The following MTMR6 variants were observed in gnomAD, a reference collection of about 807,000 sequenced individuals.
MTMR6 encodes the protein myotubularin related protein 6, also known as phosphatidylinositol-3,5-bisphosphate 3-phosphatase MTMR6.
A neutral mutation model predicts 80.1 loss-of-function variants in MTMR6; 47 were observed. The observed-to-expected ratio is 0.59, with a 90% CI of 0.46 to 0.75. The LOEUF (loss-of-function observed/expected upper bound fraction) is 0.75. MTMR6 is among the 30% of genes least tolerant of loss of function. The pLI, the probability that MTMR6 is intolerant of heterozygous loss-of-function variation, is 0.00. For synonymous variants in MTMR6, 254 were observed against 253.0 expected, an observed-to-expected ratio of 1.00 and a Z score of -0.04; for missense variants, 629 against 730.9, an observed-to-expected ratio of 0.86 and a Z score of 1.61.
intron 1 of MTMR6, among the ~76,000 whole-genome samples, chr13:25,278,014 C>A (rs1034378570): frequency 6.6e-6 from 1 of 152,120 alleles, no homozygotes; most frequent in Admixed American, 6.5e-5. Context: ...TATGAATCAC[C>A]TCTAAAACTT....
At chr13:25,282,288 C>T (rs908555303) in intron 1 of MTMR6, among the ~76,000 whole-genome samples, 1 of 152,328 alleles carries the variant, frequency 6.6e-6, no homozygotes, top group East Asian at 1.9e-4. Context: ...AAACCCCCTC[C>T]TCAACCCTCA....
chr13:25,274,497 G>A (rs1052152719), intron 1 of MTMR6, among the ~76,000 whole-genome samples: 4 of 143,696 alleles, frequency 2.8e-5, no homozygotes, highest in African/African-American at 9.8e-5. Context: ...TCATACCCAA[G>A]AGTCAACATT....
At chr13:25,249,573 C>A in intron 13 of MTMR6, 81 bp from the exon 14 acceptor site, 1 of 1,375,170 alleles carries the variant, frequency 7.3e-7, no homozygotes, top group Non-Finnish European at 9.9e-7. Context: ...CATGCTTTTG[C>A]AAAATATGTT....
chr13:25,265,696 C>A, intron 5 of MTMR6, 123 bp downstream of exon 5: 2 of 1,087,294 alleles, frequency 1.8e-6, no homozygotes, highest in Admixed American at 2.5e-5. Flanking sequence ...GGTGCCACTG[C>A]ACTCCAGCTT....
chr13:25,263,585 T>C (rs1213668879), intron 5 of MTMR6, among the ~76,000 whole-genome samples: 1 of 152,162 alleles, frequency 6.6e-6, no homozygotes, highest in Non-Finnish European at 1.5e-5. Context: ...AACCAACTTA[T>C]ACAACAGAAA....
chr13:25,266,949 G>A (rs1957470156), intron 3 of MTMR6, among the ~76,000 whole-genome samples: 2 of 152,156 alleles, frequency 1.3e-5, no homozygotes, highest in African/African-American at 4.8e-5. Context: ...CAGATCCACA[G>A]GGCATAAGTA....
At chr13:25,283,409 T>C (rs1451546342) in intron 1 of MTMR6, among the ~76,000 whole-genome samples, 1 of 152,236 alleles carries the variant, frequency 6.6e-6, no homozygotes, top group Non-Finnish European at 1.5e-5. Flanking sequence ...ATTCAGGTGC[T>C]CCTCAAAACC....
intron 6 of MTMR6, chr13:25,260,456 T>C: frequency 2.1e-6 from 1 of 478,792 alleles, no homozygotes; most frequent in South Asian, 2.3e-5. Flanking sequence ...ATTAATCTCT[T>C]CTTCTGGTTT....
At chr13:25,259,053 G>A (rs1412302397) in intron 6 of MTMR6, among the ~76,000 whole-genome samples, 1 of 152,124 alleles carries the variant, frequency 6.6e-6, no homozygotes, top group African/African-American at 2.4e-5. Flanking sequence ...GAGCTGGCTG[G>A]GGGACTTTCC....
chr13:25,249,345 T>G lies in MTMR6; in HGVS notation c.1753A>C (p.Ile585Leu), dbSNP rs749269264. 1 of 1,614,166 alleles carries G rather than the reference T, an allele frequency of 6.2e-7. No individual in the cohort carries two copies. The highest frequency in any genetic ancestry group is 8.5e-7 in the Non-Finnish European group (1 of 1,179,984). ...TTATCTGCCGGGCTGCTGCCCTCTA[T>G]AGTTCGAAGAGCATCATTTACGGGT... is the stretch of plus-strand genomic sequence containing the variant. ...LLPVNDALRT[I>L]EGSSPADNRY... Residue 585 changes from isoleucine (I) to leucine (L), a missense_variant, in exon 14 of 14, where the codon ATA becomes CTA. Ile to Leu is a conservative substitution (Grantham distance 5). Transcript: ENST00000381801.
chr13:25,258,854 A>C (rs987282538), intron 6 of MTMR6, among the ~76,000 whole-genome samples, 162 bp from the exon 7 acceptor site: 11 of 152,214 alleles, frequency 7.2e-5, no homozygotes, highest in Admixed American at 2.0e-4. Context: ...TAAAAATGCC[A>C]CATTATTAAA....
intron 10 of MTMR6, 143 bp downstream of exon 10, chr13:25,254,242 T>C: frequency 1.4e-6 from 1 of 712,112 alleles, no homozygotes; most frequent in Non-Finnish European, 2.4e-6. Flanking sequence ...AAAAATTAAA[T>C]GTCTTTACGT....
intron 5 of MTMR6, 61 bp from the exon 6 acceptor site, chr13:25,261,863 C>A: frequency 5.5e-6 from 8 of 1,457,278 alleles, no homozygotes; most frequent in South Asian, 1.4e-5. Flanking sequence ...TTTAAAGATG[C>A]TTACAAGAAA....
At chr13:25,278,709 C>CAAAAAA (rs57589187) in intron 1 of MTMR6, among the ~76,000 whole-genome samples, 1 of 55,468 alleles carries the variant, frequency 1.8e-5, no homozygotes, top group Non-Finnish European at 3.4e-5. Flanking sequence ...CAAGACTCTG[C>CAAAAAA]AAAAAAAAAA....
chr13:25,276,427 T>C (rs1209693766), intron 1 of MTMR6, among the ~76,000 whole-genome samples: 1 of 152,222 alleles, frequency 6.6e-6, no homozygotes, highest in Non-Finnish European at 1.5e-5. Flanking sequence ...CTGATTTTAT[T>C]ACTATTTAAA....
chr13:25,252,072 T>C, intron 11 of MTMR6, 88 bp from the exon 12 acceptor site: 1 of 1,419,954 alleles, frequency 7.0e-7, no homozygotes. Context: ...AGGCGATGGC[T>C]TCCGAAGCAG....
rs75005059 is a variant in MTMR6, at chr13:25,257,198, T to C, written c.1093A>G (p.Met365Val). The C allele has an allele frequency of 5.3e-4, 853 of 1,612,968 alleles. 9 individuals are homozygous for C. The East Asian group carries it at 0.015, about 27-fold the overall frequency. ...GGTCTAACCAAATAAATCCTTACCATGAATCCTTTGATTGTCCTGTAGTAG... is the reference window on the plus strand; with the variant it reads ...GGTCTAACCAAATAAATCCTTACCACGAATCCTTTGATTGTCCTGTAGTAG... ...DSYYRTIKGF[M>V]VLIEKDWISF... The change falls in exon 9 of 14, where the codon ATG becomes GTG. Residue 365 changes from methionine to valine, a missense_variant and splice_region_variant. By Grantham distance (21) the Met-to-Val change is conservative. Transcript: ENST00000381801.
chr13:25,255,514 C>A (rs1210820594), intron 9 of MTMR6, among the ~76,000 whole-genome samples: 35 of 152,106 alleles, frequency 2.3e-4, no homozygotes, highest in Non-Finnish European at 5.9e-5. Context: ...ATGATCAATT[C>A]TTCCTGACTC....
In MTMR6 at chr13:25,258,668, C is replaced by T; in HGVS notation, c.751G>A (p.Ala251Thr). ...TCTTCATTTTCATAACCTTTTCCAG[C>T]TGCTCTGTTGGCCATTGCATTCAGC... is the stretch of plus-strand genomic sequence containing the variant. ...PKLNAMANRA[A>T]GKGYENEDNY... is the part of the protein sequence containing the mutation. The change falls in exon 7 of 14, where the codon GCT (alanine) becomes ACT (threonine). Residue 251 changes from alanine to threonine, a missense_variant. Ala to Thr is a moderately conservative substitution (Grantham distance 58, BLOSUM62 0). Coordinates refer to ENST00000381801, the MANE Select transcript of MTMR6 (RefSeq NM_004685.5). 1.5e-5 allele frequency: 24 copies of T among 1,584,904 alleles called. No homozygotes were observed. Among genetic ancestry groups the T allele is most frequent in the Non-Finnish European group, 2.0e-5 (24 of 1,171,644 alleles).
Sources: allele counts gnomAD v4.1 joint callset (sites outside exome capture counted in the v4.1 genomes callset), GRCh38; gene constraint gnomAD v4.1.1; transcripts MANE v1.5; gene names NCBI Gene and HGNC (gene_info 2026-07-23, HGNC 2026-07-21).